ARMCX4: variants seen among roughly 807,000 people sequenced by gnomAD.
ARMCX4 encodes the protein armadillo repeat-containing X-linked protein 4.
ARMCX4 carries 3 observed loss-of-function variants against 34.7 expected under a neutral mutation model. The observed-to-expected ratio is 0.09, with a 90% CI of 0.04 to 0.22. The LOEUF is 0.22. Among genes scored for constraint, ARMCX4 ranks in the 10% least tolerant of loss-of-function variants. The pLI is 1.00. For missense variants in ARMCX4, 1,448 were observed against 1,720.8 expected, an observed-to-expected ratio of 0.84 and a Z score of 2.81; for synonymous variants, 513 against 632.8, an observed-to-expected ratio of 0.81 and a Z score of 2.84.
At chrX:101,449,672 TA>T (rs1450167897), downstream of ARMCX4, among the ~76,000 whole-genome samples, 3 of 112,404 alleles carry the variant, frequency 2.7e-5, no homozygotes, top group African/African-American at 9.7e-5. Context: ...ATTCTCTGTC[TA>T]AAAGATAGCA....
intron 7 of ARMCX4, among the ~76,000 whole-genome samples, chrX:101,503,153 T>C (rs1319661727): frequency 3.6e-5 from 4 of 110,299 alleles, no homozygotes; most frequent in African/African-American, 9.9e-5. Context: ...CCATGGTGTA[T>C]ATGTGCCACA....
intron 3 of ARMCX4, 45 bp downstream of exon 3, chrX:101,487,317 T>G: frequency 7.0e-6 from 1 of 142,703 alleles, no homozygotes; most frequent in Non-Finnish European, 1.4e-5. Flanking sequence ...CAAGAGAGGG[T>G]GGGCATAGGA....
chrX:101,482,803 G>A (rs1933510177), upstream of ARMCX4, among the ~76,000 whole-genome samples: 1 of 108,385 alleles, frequency 9.2e-6, no homozygotes, highest in African/African-American at 3.4e-5. Flanking sequence ...GGGATACACA[G>A]AGCTAACTCC....
chrX:101,534,832 C>T (rs781912480), downstream of ARMCX4, among the ~76,000 whole-genome samples: 1 of 111,839 alleles, frequency 8.9e-6, no homozygotes, highest in Non-Finnish European at 1.9e-5. Context: ...TGACCACATG[C>T]TTATGCAAAG....
chrX:101,486,761 C>T (rs1933739351), intron 2 of ARMCX4, among the ~76,000 whole-genome samples: 1 of 109,626 alleles, frequency 9.1e-6, no homozygotes, highest in South Asian at 4.0e-4. Context: ...GACTTCATCT[C>T]TACATATAAT....
downstream of ARMCX4, chrX:101,533,584 G>T (rs1366197233): frequency 9.0e-6 from 1 of 111,623 alleles, no homozygotes; most frequent in Non-Finnish European, 1.9e-5. Context: ...GTAAGGAAGG[G>T]TATAGCAGAG....
chrX:101,448,208 G>A (rs1004098881), downstream of ARMCX4, among the ~76,000 whole-genome samples: 10 of 111,975 alleles, frequency 8.9e-5, no homozygotes, highest in East Asian at 2.8e-4. Flanking sequence ...ACTCCATTGC[G>A]TATAAGTACC....
intron 2 of ARMCX4, among the ~76,000 whole-genome samples, chrX:101,426,014 G>T (rs1555990937): frequency 1.8e-5 from 2 of 109,667 alleles, no homozygotes; most frequent in African/African-American, 6.7e-5. Context: ...GTAGACATGG[G>T]GTCTTGCCAT....
At chrX:101,472,832 G>A (rs1408069906) in intron 4 of ARMCX4, among the ~76,000 whole-genome samples, 9 of 92,809 alleles carry the variant, frequency 9.7e-5, no homozygotes, top group Non-Finnish European at 1.5e-4. Context: ...AGGAACAGCC[G>A]GTACCAGCCG....
chrX:101,441,059 C>T (rs187056804), intron 2 of ARMCX4, among the ~76,000 whole-genome samples: 5 of 111,187 alleles, frequency 4.5e-5, no homozygotes, highest in Admixed American at 9.6e-5. Flanking sequence ...CTGTCTTCTG[C>T]GTCCCTCACG....
At chrX:101,478,490 G>A (rs369573855) in intron 4 of ARMCX4, among the ~76,000 whole-genome samples, 1 of 111,358 alleles carries the variant, frequency 9.0e-6, no homozygotes, top group African/African-American at 3.3e-5. Context: ...CCAAAGAAAG[G>A]GGCACATTCC....
At chrX:101,467,096 G>T (rs1303233287) in intron 4 of ARMCX4, among the ~76,000 whole-genome samples, 1 of 111,499 alleles carries the variant, frequency 9.0e-6, no homozygotes, top group Non-Finnish European at 1.9e-5. Flanking sequence ...ATTATATATA[G>T]AGAAATACAC....
At chrX:101,447,711 G>A (rs983122329), downstream of ARMCX4, 2 of 109,981 alleles carry the variant, frequency 1.8e-5, no homozygotes, top group Non-Finnish European at 3.8e-5. Context: ...AGTTTTTGTG[G>A]GTACATAGTA....
chrX:101,516,666 C>A (rs1603226707), intron 11 of ARMCX4: 1 of 111,204 alleles, frequency 9.0e-6, no homozygotes. Flanking sequence ...ATAAGCCTGT[C>A]TTTCTTCATG....
intron 4 of ARMCX4, among the ~76,000 whole-genome samples, chrX:101,473,282 A>G (rs1210494204): frequency 9.0e-6 from 1 of 110,528 alleles, no homozygotes; most frequent in Non-Finnish European, 1.9e-5. Context: ...TATGCACCCA[A>G]TACAGGAGCA....
Position 101,432,998 on chromosome X carries a change from A to ACACTTG in ARMCX4, n.165-11054_165-11053insCACTTG, listed in dbSNP as rs1277665191. ...TGTATATATACACACATGTATACAT[A>ACACTTG]TATGTGTATATATACACATATGTAT... On this transcript the variant is annotated intron_variant and non_coding_transcript_variant, in intron 2 of 3. Coordinates refer to the ARMCX4 transcript ENST00000430461. Among the ~76,000 whole-genome samples, 2 of 97,809 alleles carry ACACTTG rather than the reference A, an allele frequency of 2.0e-5. 1 individual carries two copies. Among genetic ancestry groups the ACACTTG allele is most frequent in the Non-Finnish European group, 4.2e-5 (2 of 47,448 alleles). The allele number at this position is 97,809 out of a possible 115,157, so 84.9% of individuals were successfully genotyped here. A position where few individuals can be genotyped will look rare whatever the true frequency, so the allele number is the denominator to read the frequency against.
chrX:101,441,958 C>T (rs1165835374), intron 2 of ARMCX4, among the ~76,000 whole-genome samples: 1 of 111,933 alleles, frequency 8.9e-6, no homozygotes, highest in Non-Finnish European at 1.9e-5. Flanking sequence ...TGTGTTTTAA[C>T]AAGTGCTCAG....
In ARMCX4 at chrX:101,494,215, T is replaced by C. The variant is rs1934119075; in HGVS notation, c.5626T>C (p.Trp1876Arg). Residue 1876 changes from tryptophan to arginine, a missense_variant, in exon 6 of 6, where the codon TGG becomes CGG. Around this residue, in one of 2 missense-constraint regions of ARMCX4, gnomAD observed 1,343 missense variants for 1,540.7 expected, o/e 0.87. Coordinates refer to ENST00000423738, the MANE Select transcript of ARMCX4 (RefSeq NM_001256155.3). Reference protein sequence around the residue: ...GAGEEAGVESWTLARNVGEDE... With the variant: ...GAGEEAGVESRTLARNVGEDE... ...TGGGGAAGAGGCTGGTGTAGAGTCC[T>C]GGACCTTGGCTAGGAATGTGGGAGA... The C allele has an allele frequency of 8.7e-7, 1 of 1,153,073 alleles. No homozygotes were observed. The highest frequency in any genetic ancestry group is 1.1e-6 in the Non-Finnish European group (1 of 871,062).
chrX:101,425,300 T>C (rs1252957952), intron 2 of ARMCX4, among the ~76,000 whole-genome samples: 1 of 111,452 alleles, frequency 9.0e-6, no homozygotes, highest in Non-Finnish European at 1.9e-5. Context: ...TATGGAGGCA[T>C]TGGTGTCCTG....
Sources: allele counts gnomAD v4.1 joint callset (sites outside exome capture counted in the v4.1 genomes callset), GRCh38; gene constraint gnomAD v4.1.1; regional missense constraint gnomAD v4.1.1; transcripts MANE v1.5; gene names NCBI Gene and HGNC (gene_info 2026-07-23, HGNC 2026-07-21).